The following UNC5A variants were observed in gnomAD, a reference collection of about 807,000 sequenced individuals.
UNC5A encodes the protein netrin receptor UNC5A.
UNC5A carries 20 observed loss-of-function variants against 87.4 expected under a neutral mutation model. The ratio of observed to expected loss-of-function variants is 0.23; its 90% CI spans 0.16 to 0.33. The LOEUF is 0.33. UNC5A is among the 10% of genes least tolerant of loss of function. The pLI is 1.00. For missense variants in UNC5A, 844 were observed against 1,133.4 expected, an observed-to-expected ratio of 0.74 and a Z score of 3.67; for synonymous variants, 438 against 482.3, an observed-to-expected ratio of 0.91 and a Z score of 1.20.
At position 176,880,166 on chromosome 5, in the gene UNC5A, G is replaced by A; in HGVS notation, c.*280G>A. 1 of 413,462 alleles carries A rather than the reference G, an allele frequency of 2.4e-6. No homozygotes were observed. The highest frequency in any genetic ancestry group is 4.4e-6 in the Non-Finnish European group (1 of 225,980). The allele number at this position is 413,462 out of a possible 1,614,324, so 25.6% of individuals were successfully genotyped here. ...CCAGGCCCAGCCCATCTGTGTGTGT[G>A]TATGTGCGTGTGATGCTACCTCTCC... On this transcript the variant is annotated 3_prime_UTR_variant, in exon 15 of 15. Transcript: ENST00000329542.
intron 1 of UNC5A, among the ~76,000 whole-genome samples, chr5:176,856,029 C>A (rs1390546081): frequency 6.6e-6 from 1 of 152,198 alleles, no homozygotes; most frequent in Non-Finnish European, 1.5e-5. Flanking sequence ...GGCAGCCGCC[C>A]TGGGGAAGCA....
intron 1 of UNC5A, among the ~76,000 whole-genome samples, chr5:176,834,376 T>C (rs1353463056): frequency 6.6e-6 from 1 of 152,160 alleles, no homozygotes; most frequent in Non-Finnish European, 1.5e-5. Context: ...CCGGGATTAC[T>C]TCCCCCATTT....
intron 1 of UNC5A, among the ~76,000 whole-genome samples, chr5:176,850,913 G>T (rs1173210617): frequency 6.6e-6 from 1 of 150,780 alleles, no homozygotes; most frequent in East Asian, 1.9e-4. Context: ...GATTCTGGAG[G>T]CTGTGCTCCC....
Position 176,877,298 on chromosome 5 carries a change from T to C in UNC5A, c.1466+19T>C, listed in dbSNP as rs72811299. On this transcript the variant is annotated intron_variant, in intron 9 of 14. Transcript: ENST00000329542. ...ACGTGAGGTGTGGCCGCGGGCCCTG[T>C]TGCCGGGGGTGGGAGGGACCTGCCT... is the stretch of plus-strand genomic sequence containing the variant. 2.2e-5 allele frequency: 36 copies of C among 1,603,632 alleles called. No individual in the cohort carries two copies. Among genetic ancestry groups the C allele is most frequent in the Admixed American group, 5.0e-5 (3 of 59,806 alleles).
rs151115853 is a variant in UNC5A at position 176,824,001 on chromosome 5, C to G, written c.70+13181C>G. ...TGTCAGTTATGAGAACCCAGCCTCTCCCTGGAGAAAGCACCTGTCCCAGCT... is the reference window on the plus strand; with the variant it reads ...TGTCAGTTATGAGAACCCAGCCTCTGCCTGGAGAAAGCACCTGTCCCAGCT... On this transcript the variant is annotated intron_variant, in intron 1 of 14. Transcript: ENST00000329542. The surrounding 1 kb of genome is among the most constrained non-coding windows in gnomAD (Gnocchi z 4.2). Among the ~76,000 whole-genome samples the G allele has an allele frequency of 1.9e-3, 287 of 152,342 alleles. 1 individual carries two copies. The highest frequency in any genetic ancestry group is 2.7e-3 in the Non-Finnish European group (183 of 68,036).
At chr5:176,830,558 CCTGGT>C (rs1236326530) in intron 1 of UNC5A, among the ~76,000 whole-genome samples, 1 of 44,968 alleles carries the variant, frequency 2.2e-5, no homozygotes, top group East Asian at 7.5e-4. Flanking sequence ...GTGCATGTGT[CCTGGT>C]GTGTGTGTGT....
chr5:176,861,520 G>A (rs1329714903), intron 1 of UNC5A, among the ~76,000 whole-genome samples: 5 of 152,244 alleles, frequency 3.3e-5, no homozygotes, highest in Non-Finnish European at 7.3e-5. Flanking sequence ...GAAAGGGGCA[G>A]TGGGCCAGGC....
intron 1 of UNC5A, among the ~76,000 whole-genome samples, chr5:176,849,184 C>G (rs185062742): frequency 6.6e-6 from 1 of 152,144 alleles, no homozygotes; most frequent in Non-Finnish European, 1.5e-5. Context: ...TTTGCCCTGC[C>G]GACTTGTTTG....
At chr5:176,858,220 C>T (rs572870000) in intron 1 of UNC5A, among the ~76,000 whole-genome samples, 1 of 152,324 alleles carries the variant, frequency 6.6e-6, no homozygotes, top group Non-Finnish European at 1.5e-5. Flanking sequence ...GCTCCAGCAC[C>T]AGCGAGGACA....
At chr5:176,847,400 G>A (rs532266168) in intron 1 of UNC5A, among the ~76,000 whole-genome samples, 1 of 152,328 alleles carries the variant, frequency 6.6e-6, no homozygotes, top group African/African-American at 2.4e-5. Flanking sequence ...CGCCTCCTGG[G>A]AACAGGCTGC....
At chr5:176,857,975 C>A (rs912876697) in intron 1 of UNC5A, among the ~76,000 whole-genome samples, 29 of 152,198 alleles carry the variant, frequency 1.9e-4, no homozygotes, top group Admixed American at 7.9e-4. Flanking sequence ...TGGGCCCATA[C>A]CTGCCTGCTG....
Position 176,865,657 on chromosome 5 carries a change from C to T in UNC5A, c.293-2473C>T, listed in dbSNP as rs764716850. The T allele has an allele frequency of 2.2e-5, 10 of 456,622 alleles. No individual in the cohort carries two copies. The highest frequency in any genetic ancestry group is 8.0e-5 in the African/African-American group (4 of 50,100). The allele number at this position is 456,622 out of a possible 1,614,324, so 28.3% of individuals were successfully genotyped here. On this transcript the variant is annotated intron_variant, in intron 2 of 14. Transcript: ENST00000329542. This position sits in a 1 kb window ranked among gnomAD's most constrained non-coding sequence, Gnocchi z 5.3. Reference sequence around the variant, plus strand: ...CTTTCCTTACCCACGGCAGATACCACGGCAGTGGCGCCACGCCGCCAAAGA... The same window carrying T: ...CTTTCCTTACCCACGGCAGATACCATGGCAGTGGCGCCACGCCGCCAAAGA...
In UNC5A at chr5:176,874,666, G is replaced by A; in HGVS notation, c.1378+100G>A. On this transcript the variant is annotated intron_variant, in intron 8 of 14. Transcript: ENST00000329542. This position sits in a 1 kb window ranked among gnomAD's most constrained non-coding sequence, Gnocchi z 7.6. ...TCGTGCCCCTCGGTGTCCCGTGACA[G>A]ATCAGCAAGGAAAGGGGGTGGAGTT... The A allele has an allele frequency of 7.4e-7, 1 of 1,348,250 alleles. No individual in the cohort carries two copies. Among genetic ancestry groups the A allele is most frequent in the South Asian group, 1.6e-5 (1 of 62,946 alleles). 83.5% of individuals were successfully genotyped at this position (1,348,250 alleles called of 1,614,324 possible). A position where few individuals can be genotyped will look rare whatever the true frequency, so the allele number is the denominator to read the frequency against.
At chr5:176,876,488 C>A (rs1168690571) in intron 8 of UNC5A, among the ~76,000 whole-genome samples, 2 of 152,220 alleles carry the variant, frequency 1.3e-5, no homozygotes, top group African/African-American at 4.8e-5. Flanking sequence ...TAGAGGGACT[C>A]CCTGGCCCCC....
chr5:176,814,322 C>T (rs2113576703), intron 1 of UNC5A, among the ~76,000 whole-genome samples: 1 of 152,356 alleles, frequency 6.6e-6, no homozygotes, highest in Non-Finnish European at 1.5e-5. Context: ...CACATCAGCT[C>T]TGGGCTGGTC....
At position 176,857,473 on chromosome 5, in the gene UNC5A, G is replaced by A. The variant is rs553200462; in HGVS notation, c.71-5151G>A. On this transcript the variant is annotated intron_variant, in intron 1 of 14. Coordinates refer to ENST00000329542, the MANE Select transcript of UNC5A (RefSeq NM_133369.3). Reference sequence around the variant, plus strand: ...CCTCCTTTCTGTAGCTGCCACCCCCGTTGGCCCCCAGCCTCCCTACACACA... The same window carrying A: ...CCTCCTTTCTGTAGCTGCCACCCCCATTGGCCCCCAGCCTCCCTACACACA... 8.6e-5 allele frequency among the ~76,000 whole-genome samples: 13 copies of A among 151,966 alleles called. No individual in the cohort carries two copies. In the South Asian group the frequency reaches 2.1e-3, roughly 24 times the overall value.
rs73340093 is a variant in UNC5A at position 176,843,887 on chromosome 5, G to T, written c.71-18737G>T. Among the ~76,000 whole-genome samples the T allele has an allele frequency of 2.6e-5, 4 of 152,354 alleles. No homozygotes were observed. In the East Asian group the frequency reaches 5.8e-4, roughly 22 times the overall value. On this transcript the variant is annotated intron_variant, in intron 1 of 14. Coordinates refer to ENST00000329542, the MANE Select transcript of UNC5A (RefSeq NM_133369.3). ...GCGTTCTGACAGACGTGCGGCGCGT[G>T]GGGAGGGCTCTCAGCTGCTCCCTGG...
intron 1 of UNC5A, among the ~76,000 whole-genome samples, chr5:176,832,664 G>C (rs1757058456): frequency 6.6e-6 from 1 of 152,182 alleles, no homozygotes; most frequent in Admixed American, 6.5e-5. Flanking sequence ...CCTTATACAA[G>C]GCCCTTCATG....
rs1581257332 is a variant in UNC5A, at chr5:176,844,803, A to C, written c.71-17821A>C. On this transcript the variant is annotated intron_variant, in intron 1 of 14. Transcript: ENST00000329542. The surrounding 1 kb of genome is among the most constrained non-coding windows in gnomAD (Gnocchi z 4.2). The stretch of plus-strand genomic sequence containing the variant: ...ATCACTCACCCCGAGACCCCTCTCC[A>C]CCCTCCAGCACTGCTTGCAGTGGAT... Among the ~76,000 whole-genome samples, 1 of 151,894 alleles carries C rather than the reference A, an allele frequency of 6.6e-6. No homozygotes were observed.
Sources: allele counts gnomAD v4.1 joint callset (sites outside exome capture counted in the v4.1 genomes callset), GRCh38; gene constraint gnomAD v4.1.1; non-coding constraint Gnocchi (gnomAD v3.1); transcripts MANE v1.5; gene names NCBI Gene and HGNC (gene_info 2026-07-23, HGNC 2026-07-21).